Variants in ANO6 observed in about 807,000 individuals in gnomAD.
ANO6 encodes the protein anoctamin 6.
In ANO6, 106 loss-of-function variants were observed where a neutral mutation model predicts 117.5. That is an observed-to-expected ratio of 0.90 (90% CI 0.77 to 1.06). The LOEUF (loss-of-function observed/expected upper bound fraction) is 1.06, where lower values mean the gene tolerates loss of function less well. Among genes scored for constraint, ANO6 ranks in the 50% least tolerant of loss-of-function variants. The pLI is 0.00. For missense variants in ANO6, 955 were observed against 1,121.1 expected (o/e 0.85, Z 2.12); for synonymous variants, 367 against 385.1 (o/e 0.95, Z 0.55).
At chr12:45,387,616 A>G (rs894287457) in intron 10 of ANO6, among the ~76,000 whole-genome samples, 1 of 152,238 alleles carries the variant, frequency 6.6e-6, no homozygotes, top group Non-Finnish European at 1.5e-5. Context: ...GTTGTAAATT[A>G]CCAACATTTT....
chr12:45,416,403 A>G (rs1236243704), intron 16 of ANO6, among the ~76,000 whole-genome samples: 5 of 152,176 alleles, frequency 3.3e-5, no homozygotes, highest in Non-Finnish European at 5.9e-5. Flanking sequence ...TATGCTTATG[A>G]TGTCTCAAGT....
chr12:45,433,096 C>T (rs1565781128), downstream of ANO6, among the ~76,000 whole-genome samples: 1 of 152,278 alleles, frequency 6.6e-6, no homozygotes, highest in Non-Finnish European at 1.5e-5. Context: ...ATTTTGGTCC[C>T]GGCTTATACC....
At chr12:45,237,161 C>T (rs940822396) in intron 1 of ANO6, among the ~76,000 whole-genome samples, 3 of 152,146 alleles carry the variant, frequency 2.0e-5, no homozygotes, top group African/African-American at 7.2e-5. Context: ...AAAATTTTCT[C>T]CCATTCTGTA....
chr12:45,438,246 CGTGTATGTGTGTGTGTGTGTGTGTGT>C (rs1412807722), intron 19 of ANO6, among the ~76,000 whole-genome samples: 2 of 125,258 alleles, frequency 1.6e-5, no homozygotes, highest in Non-Finnish European at 3.6e-5. Context: ...CACATATTTG[CGTGTATGTGTGTGTGTGTGTGTGTGT>C]GTGTATGTAT....
chr12:45,240,682 C>G lies in ANO6; in HGVS notation c.70+24291C>G, dbSNP rs1947728603. On this transcript the variant is annotated intron_variant, in intron 1 of 19. Coordinates refer to ENST00000320560, the MANE Select transcript of ANO6 (RefSeq NM_001025356.3). The stretch of plus-strand genomic sequence containing the variant: ...ACAATTTGGCATGTTTTTGCAGTGG[C>G]TGGTACTGGTTGTTCCTTTCTATGT... Among the ~76,000 whole-genome samples the G allele has an allele frequency of 2.0e-5, 3 of 152,232 alleles. No individual in the cohort carries two copies. In the South Asian group the frequency reaches 6.2e-4, roughly 32 times the overall value.
In ANO6 at chr12:45,314,798, C is replaced by T. The variant is rs1939967586; in HGVS notation, c.150+12705C>T. Among the ~76,000 whole-genome samples the T allele has an allele frequency of 2.0e-5, 3 of 151,994 alleles. No homozygotes were observed. The South Asian group carries it at 6.2e-4, about 31-fold the overall frequency. On this transcript the variant is annotated intron_variant, in intron 2 of 19. Transcript: ENST00000320560. ...TGATTGTGGATGTTAACCACATCTA[C>T]AAAATACCTTTACAGCAACACCTTG...
intron 2 of ANO6, among the ~76,000 whole-genome samples, chr12:45,316,013 G>T (rs1458014743): frequency 6.6e-6 from 1 of 152,094 alleles, no homozygotes; most frequent in Non-Finnish European, 1.5e-5. Flanking sequence ...ACACTGAGCT[G>T]TTCTCTAAAT....
chr12:45,320,748 T>C (rs867177628), intron 2 of ANO6, among the ~76,000 whole-genome samples: 1 of 152,014 alleles, frequency 6.6e-6, no homozygotes, highest in Non-Finnish European at 1.5e-5. Context: ...ATTGTGTGGG[T>C]GTCTAAGTCT....
chr12:45,350,867 A>T lies in ANO6; in HGVS notation c.863+93A>T, dbSNP rs1456583768. 1.5e-5 allele frequency: 16 copies of T among 1,092,276 alleles called. No homozygotes were observed. In the East Asian group the frequency reaches 4.1e-4, roughly 28 times the overall value. The allele number at this position is 1,092,276 out of a possible 1,614,324, so 67.7% of individuals were successfully genotyped here. On this transcript the variant is annotated intron_variant, in intron 7 of 19. Transcript: ENST00000320560. ...GACAGTACTCATCAAGACTCTTGCC[A>T]GTGAAGGGAGCTGACCCAGAGTGCT...
intron 12 of ANO6, among the ~76,000 whole-genome samples, chr12:45,399,390 T>G (rs958824708): frequency 6.6e-6 from 1 of 152,098 alleles, no homozygotes; most frequent in African/African-American, 2.4e-5. Flanking sequence ...CAGTCGGGGT[T>G]TCACCATGTT....
intron 2 of ANO6, among the ~76,000 whole-genome samples, chr12:45,329,793 A>G (rs1009972197): frequency 3.9e-5 from 6 of 152,100 alleles, no homozygotes; most frequent in African/African-American, 1.2e-4. Flanking sequence ...ATTTTCCTCT[A>G]GCAATAGCCC....
intron 16 of ANO6, among the ~76,000 whole-genome samples, chr12:45,413,137 C>T (rs1943128098): frequency 6.6e-6 from 1 of 152,168 alleles, no homozygotes; most frequent in Non-Finnish European, 1.5e-5. Context: ...AACTGCATAA[C>T]ATTTATGTGG....
intron 1 of ANO6, among the ~76,000 whole-genome samples, chr12:45,288,750 G>GTTTGT (rs950486442): frequency 2.0e-5 from 3 of 151,932 alleles, no homozygotes; most frequent in Admixed American, 6.6e-5. Flanking sequence ...TTTTTTGTTT[G>GTTTGT]TTTGTTTTGT....
At chr12:45,437,271 C>T (rs1943717362), downstream of ANO6, among the ~76,000 whole-genome samples, 5 of 152,326 alleles carry the variant, frequency 3.3e-5, no homozygotes, top group South Asian at 8.3e-4. Flanking sequence ...TTTCCAGAGG[C>T]TCCATGACAT....
intron 9 of ANO6, among the ~76,000 whole-genome samples, chr12:45,373,375 C>G (rs1310656608): frequency 6.6e-6 from 1 of 151,510 alleles, no homozygotes; most frequent in East Asian, 1.9e-4. Context: ...TAGACATCTA[C>G]AGAATTCTCC....
chr12:45,418,462 T>C (rs74081808), intron 17 of ANO6, among the ~76,000 whole-genome samples: 13,168 of 152,200 alleles, frequency 0.087, 1,312 homozygotes, highest in African/African-American at 0.25. Flanking sequence ...CATAAAACAA[T>C]GAACATGACA....
At chr12:45,236,777 A>G (rs1947652122) in intron 1 of ANO6, among the ~76,000 whole-genome samples, 1 of 152,164 alleles carries the variant, frequency 6.6e-6, no homozygotes, top group African/African-American at 2.4e-5. Flanking sequence ...TGGTATTTCT[A>G]GTTCTAGATC....
chr12:45,258,006 A>G (rs1054328170), intron 1 of ANO6, among the ~76,000 whole-genome samples: 1 of 152,220 alleles, frequency 6.6e-6, no homozygotes, highest in East Asian at 1.9e-4. Flanking sequence ...GAAAATTGGA[A>G]AAAGTAATTC....
chr12:45,279,927 C>T (rs1019112200), intron 1 of ANO6, among the ~76,000 whole-genome samples: 2 of 152,304 alleles, frequency 1.3e-5, no homozygotes, highest in Middle Eastern at 3.4e-3. Context: ...GGTAAAATTG[C>T]AACCCACATT....
Sources: allele counts gnomAD v4.1 joint callset (sites outside exome capture counted in the v4.1 genomes callset), GRCh38; gene constraint gnomAD v4.1.1; transcripts MANE v1.5; gene names NCBI Gene and HGNC (gene_info 2026-07-23, HGNC 2026-07-21).